The following CDH4 variants were observed in gnomAD, a reference collection of about 807,000 sequenced individuals.
CDH4 encodes the protein cadherin 4, also known as cadherin-4.
A neutral mutation model predicts 86.0 loss-of-function variants in CDH4; 33 were observed. That is an observed-to-expected ratio of 0.38 (90% CI 0.29 to 0.51). The LOEUF is 0.51. CDH4 is among the 20% of genes least tolerant of loss of function. The pLI, the probability that CDH4 is intolerant of heterozygous loss-of-function variation, is 0.86. For missense variants in CDH4, 1,114 were observed against 1,307.4 expected (o/e 0.85, Z 2.28); for synonymous variants, 555 against 549.4 (o/e 1.01, Z -0.14).
intron 4 of CDH4, among the ~76,000 whole-genome samples, chr20:61,783,734 G>A (rs72658792): frequency 9.2e-5 from 11 of 119,000 alleles, no homozygotes; most frequent in Non-Finnish European, 1.2e-4. Context: ...GCCCTCAGAT[G>A]TCCTGTGCCC....
chr20:61,500,889 G>A (rs913874673), intron 2 of CDH4, among the ~76,000 whole-genome samples: 19 of 152,322 alleles, frequency 1.2e-4, no homozygotes, highest in East Asian at 5.8e-4. Context: ...TCAGGCCCAC[G>A]CAGCCGCTCT....
In CDH4 at chr20:61,481,194, G is replaced by T. The variant is rs944134601; in HGVS notation, c.169+226257G>T. ...CCCAGGGAACACGTGGTAGGGTCTG[G>T]AGCCATATTATTGCCACAGCTGGGG... is the stretch of plus-strand genomic sequence containing the variant. On this transcript the variant is annotated intron_variant, in intron 2 of 15. Coordinates refer to ENST00000614565, the MANE Select transcript of CDH4 (RefSeq NM_001794.5). Among the ~76,000 whole-genome samples the T allele has an allele frequency of 3.9e-5, 6 of 152,196 alleles. No homozygotes were observed. In the South Asian group the frequency reaches 1.2e-3, roughly 32 times the overall value.
intron 2 of CDH4, among the ~76,000 whole-genome samples, chr20:61,450,560 A>T (rs2085373808): frequency 6.6e-6 from 1 of 152,106 alleles, no homozygotes. Context: ...GGCTGCTTTG[A>T]TATTGAAATA....
rs1313521754 is a variant in CDH4, at chr20:61,899,943, G to GGGGTCTGT, written c.1188+4907_1188+4914dup. On this transcript the variant is annotated intron_variant, in intron 8 of 15. Coordinates refer to ENST00000614565, the MANE Select transcript of CDH4 (RefSeq NM_001794.5). ...GGTGTCAGCTGAACTTAGGAGCCCTGGGGTCTGTGGGTCTGTGGTCCCCAT... is the reference window on the plus strand; with the variant it reads ...GGTGTCAGCTGAACTTAGGAGCCCTGGGGTCTGTGGGTCTGTGGGTCTGTGGTCCCCAT... 6.6e-5 allele frequency among the ~76,000 whole-genome samples: 10 copies of GGGGTCTGT among 152,324 alleles called. No individual in the cohort carries two copies. In the East Asian group the frequency reaches 1.9e-3, roughly 29 times the overall value.
intron 2 of CDH4, chr20:61,499,509 T>C: frequency 7.8e-7 from 1 of 1,288,908 alleles, no homozygotes; most frequent in Non-Finnish European, 1.0e-6. Flanking sequence ...GTGAGTGTGC[T>C]AGGGGGGCTT....
intron 2 of CDH4, among the ~76,000 whole-genome samples, chr20:61,528,473 G>A (rs1401861777): frequency 5.7e-4 from 52 of 90,598 alleles, no homozygotes; most frequent in Admixed American, 1.3e-3. Flanking sequence ...GGGAGGGGGA[G>A]GGGGAGAAAA....
intron 11 of CDH4, among the ~76,000 whole-genome samples, 189 bp from the exon 12 acceptor site, chr20:61,928,001 T>A (rs1248307207): frequency 6.6e-6 from 1 of 152,212 alleles, no homozygotes; most frequent in African/African-American, 2.4e-5. Flanking sequence ...TCAGGAGCCA[T>A]GGCTGGACTG....
At chr20:61,741,648 C>T (rs976296350) in intron 2 of CDH4, among the ~76,000 whole-genome samples, 40 of 152,090 alleles carry the variant, frequency 2.6e-4, no homozygotes, top group Non-Finnish European at 3.7e-4. Flanking sequence ...CCCGCCACCA[C>T]GCCCGGCTAA....
chr20:61,936,114 C>T (rs777447947), intron 15 of CDH4, among the ~76,000 whole-genome samples: 18 of 151,874 alleles, frequency 1.2e-4, no homozygotes, highest in Non-Finnish European at 2.4e-4. Context: ...GAGTGCCACA[C>T]TCATAACTGC....
chr20:61,856,095 C>A (rs187929781), intron 6 of CDH4, among the ~76,000 whole-genome samples: 1 of 152,320 alleles, frequency 6.6e-6, no homozygotes, highest in East Asian at 1.9e-4. Context: ...ATCATCTCTA[C>A]AATTTCTTCT....
Position 61,575,515 on chromosome 20 carries a change from T to A in CDH4, c.170-168048T>A, listed in dbSNP as rs573013338. On this transcript the variant is annotated intron_variant, in intron 2 of 15. Transcript: ENST00000614565. ...GGAGTTTAAATCTCTTCGTGACAGT[T>A]ATTAATAAAATCTTGGAATGAAGAA... Among the ~76,000 whole-genome samples, 21 of 152,358 alleles carry A rather than the reference T, an allele frequency of 1.4e-4. No individual in the cohort carries two copies. In the South Asian group the frequency reaches 1.5e-3, roughly 11 times the overall value.
intron 2 of CDH4, among the ~76,000 whole-genome samples, chr20:61,481,483 T>G (rs1256432969): frequency 6.6e-6 from 1 of 152,238 alleles, no homozygotes; most frequent in Non-Finnish European, 1.5e-5. Flanking sequence ...TGTTGTCAAG[T>G]CTAAAGGGGA....
chr20:61,886,318 C>G (rs1188087442), intron 7 of CDH4, among the ~76,000 whole-genome samples: 2 of 152,210 alleles, frequency 1.3e-5, no homozygotes, highest in African/African-American at 4.8e-5. Flanking sequence ...TGATGCCTTT[C>G]TAGGGCAGGC....
At chr20:61,733,027 G>C (rs1022823924) in intron 2 of CDH4, among the ~76,000 whole-genome samples, 3 of 151,850 alleles carry the variant, frequency 2.0e-5, no homozygotes, top group Admixed American at 2.0e-4. Flanking sequence ...TGAAAACGGG[G>C]GTGCTCTGGG....
chr20:61,524,469 A>G (rs1297621438), intron 2 of CDH4, among the ~76,000 whole-genome samples: 2 of 150,906 alleles, frequency 1.3e-5, no homozygotes, highest in Non-Finnish European at 2.9e-5. Flanking sequence ...CTAATTTTGC[A>G]ACTTCTATGA....
chr20:61,551,134 T>C (rs2086126580), intron 2 of CDH4, among the ~76,000 whole-genome samples: 2 of 152,252 alleles, frequency 1.3e-5, no homozygotes, highest in Admixed American at 6.5e-5. Context: ...AGAATGTCTA[T>C]GAAGCACTTA....
intron 2 of CDH4, among the ~76,000 whole-genome samples, chr20:61,678,238 T>A (rs1352453845): frequency 6.6e-6 from 1 of 151,936 alleles, no homozygotes; most frequent in Non-Finnish European, 1.5e-5. Flanking sequence ...ACATAGATTA[T>A]GGATGGATAG....
intron 6 of CDH4, among the ~76,000 whole-genome samples, chr20:61,861,514 T>C (rs780302254): frequency 7.9e-5 from 12 of 152,130 alleles, no homozygotes; most frequent in Admixed American, 3.9e-4. Flanking sequence ...CTAACCACTC[T>C]GCAAACCGCC....
At chr20:61,932,042 G>C (rs959957264) in intron 13 of CDH4, among the ~76,000 whole-genome samples, 1 of 152,062 alleles carries the variant, frequency 6.6e-6, no homozygotes, top group African/African-American at 2.4e-5. Flanking sequence ...TCCCCTCTCT[G>C]GGCCCCTATC....
Sources: gnomAD v4.1 joint callset for allele counts (sites outside exome capture counted in the v4.1 genomes callset) on GRCh38, gnomAD v4.1.1 for gene constraint, MANE v1.5 for transcripts, NCBI Gene and HGNC (gene_info 2026-07-23, HGNC 2026-07-21) for gene names.